Variants in DOCK3 observed in about 807,000 individuals in gnomAD.
DOCK3 encodes the protein dedicator of cytokinesis 3.
A neutral mutation model predicts 265.6 loss-of-function variants in DOCK3; 60 were observed. That is an observed-to-expected ratio of 0.23 (90% confidence interval 0.18 to 0.28). The LOEUF is 0.28. Ranked by LOEUF, DOCK3 falls within the 10% of genes least tolerant of loss-of-function variation. The pLI is 1.00. For missense variants in DOCK3, 1,981 were observed against 2,594.3 expected (o/e 0.76, Z 5.14); for synonymous variants, 881 against 938.0 (o/e 0.94, Z 1.11).
chr3:51,314,853 T>G, intron 31 of DOCK3, 127 bp from the exon 32 acceptor site: 5 of 1,166,928 alleles, frequency 4.3e-6, no homozygotes, highest in Non-Finnish European at 5.7e-6. Flanking sequence ...CAGAAAACCA[T>G]AGGGGAGAGC....
In DOCK3 at chr3:51,239,581, GT is replaced by G. The variant is rs1026869430; in HGVS notation, c.2102+1999del. On this transcript the variant is annotated intron_variant, in intron 21 of 52. Transcript: ENST00000266037. ...TTTTTTTTTTGTTTGTTTGTTTTTT[GT>G]TTTTTTTGTTTTTTTTTAGTTGGTA... Among the ~76,000 whole-genome samples the G allele has an allele frequency of 8.3e-4, 109 of 130,814 alleles. 1 individual carries two copies. Among genetic ancestry groups the G allele is most frequent in the African/African-American group, 2.9e-3 (106 of 36,322 alleles). The allele number at this position is 130,814 out of a possible 152,430, so 85.8% of individuals were successfully genotyped here.
At chr3:51,003,607 C>T (rs1020077630) in intron 5 of DOCK3, among the ~76,000 whole-genome samples, 1 of 152,130 alleles carries the variant, frequency 6.6e-6, no homozygotes, top group African/African-American at 2.4e-5. Flanking sequence ...GTGGAGAATT[C>T]GTAGGTAACA....
At chr3:51,341,720 T>TA (rs1292286262) in intron 38 of DOCK3, among the ~76,000 whole-genome samples, 1 of 152,236 alleles carries the variant, frequency 6.6e-6, no homozygotes, top group Admixed American at 6.5e-5. Flanking sequence ...AAAGAACTGA[T>TA]ACGGCTTTCT....
intron 2 of DOCK3, among the ~76,000 whole-genome samples, chr3:50,830,005 A>G (rs2045042024): frequency 6.6e-6 from 1 of 152,226 alleles, no homozygotes; most frequent in South Asian, 2.1e-4. Context: ...TAAATTTTTC[A>G]GTGCAAATAA....
chr3:51,060,311 C>T (rs1028960905), intron 5 of DOCK3, among the ~76,000 whole-genome samples: 1 of 152,034 alleles, frequency 6.6e-6, no homozygotes, highest in African/African-American at 2.4e-5. Flanking sequence ...CCTTAAAATC[C>T]AGTTTTCTAA....
At chr3:50,729,322 C>CAA (rs1271946003) in intron 1 of DOCK3, among the ~76,000 whole-genome samples, 1 of 126,948 alleles carries the variant, frequency 7.9e-6, no homozygotes, top group Non-Finnish European at 1.7e-5. Context: ...GACCTGTCTC[C>CAA]AAAAAAAAAA....
At chr3:50,979,855 G>A (rs2077625389) in intron 5 of DOCK3, among the ~76,000 whole-genome samples, 3 of 152,064 alleles carry the variant, frequency 2.0e-5, no homozygotes, top group Admixed American at 2.0e-4. Context: ...GTGTTTTGGT[G>A]GTGTCTTTAG....
chr3:51,135,765 G>T (rs1275150981), intron 9 of DOCK3, among the ~76,000 whole-genome samples: 2 of 151,882 alleles, frequency 1.3e-5, no homozygotes, highest in Non-Finnish European at 2.9e-5. Flanking sequence ...TGTTGCCTAG[G>T]CTGGGAGTGC....
intron 40 of DOCK3, among the ~76,000 whole-genome samples, chr3:51,353,244 C>T (rs1472874545): frequency 6.6e-6 from 1 of 152,218 alleles, no homozygotes; most frequent in African/African-American, 2.4e-5. Flanking sequence ...GAGAGGCCAG[C>T]CTGCTCCTCC....
intron 4 of DOCK3, among the ~76,000 whole-genome samples, chr3:50,899,977 C>A (rs1381701419): frequency 6.6e-6 from 1 of 152,022 alleles, no homozygotes; most frequent in Non-Finnish European, 1.5e-5. Context: ...TGAGGAGTAT[C>A]TTTGTGGTGG....
At chr3:51,181,172 T>G (rs1255425652) in intron 12 of DOCK3, among the ~76,000 whole-genome samples, 3 of 152,136 alleles carry the variant, frequency 2.0e-5, no homozygotes, top group Non-Finnish European at 4.4e-5. Context: ...AGTTCTAGGG[T>G]ACATGGGCAC....
Position 51,267,735 on chromosome 3 carries a change from C to T in DOCK3, c.2356-3080C>T, listed in dbSNP as rs141271302. Among the ~76,000 whole-genome samples the T allele has an allele frequency of 2.4e-3, 370 of 152,210 alleles. 1 individual carries two copies. Among genetic ancestry groups the T allele is most frequent in the Admixed American group, 9.0e-3 (137 of 15,272 alleles). On this transcript the variant is annotated intron_variant, in intron 23 of 52. Transcript: ENST00000266037. ...TGTTGACAATAGCAAAGATTTGGAA[C>T]CAACCCAAATGCCCATCAGTCATAG...
chr3:51,354,685 G>T (rs1431737290), intron 40 of DOCK3, among the ~76,000 whole-genome samples, 197 bp from the exon 41 acceptor site: 1 of 152,042 alleles, frequency 6.6e-6, no homozygotes, highest in African/African-American at 2.4e-5. Context: ...CTTCCCTTGG[G>T]GCTGCCACAC....
chr3:50,720,163 G>C (rs1343328291), intron 1 of DOCK3, among the ~76,000 whole-genome samples: 2 of 152,110 alleles, frequency 1.3e-5, no homozygotes, highest in Non-Finnish European at 2.9e-5. Context: ...TTTAGGTCCA[G>C]AGGTACATGT....
chr3:51,239,277 T>G (rs982949018), intron 21 of DOCK3, among the ~76,000 whole-genome samples: 1 of 151,904 alleles, frequency 6.6e-6, no homozygotes, highest in African/African-American at 2.4e-5. Flanking sequence ...TGGCGCAATC[T>G]TGGCTCACTG....
chr3:50,990,696 G>T (rs921904087), intron 5 of DOCK3, among the ~76,000 whole-genome samples: 1 of 152,178 alleles, frequency 6.6e-6, no homozygotes, highest in Non-Finnish European at 1.5e-5. Context: ...GCCAGTCTGA[G>T]TCCCAAAGCT....
At chr3:50,874,627 T>G (rs1331769230) in intron 3 of DOCK3, among the ~76,000 whole-genome samples, 3 of 152,214 alleles carry the variant, frequency 2.0e-5, no homozygotes, top group African/African-American at 7.2e-5. Context: ...TTTCTTTCAT[T>G]AGTGTTTTGT....
At chr3:50,793,358 C>CTTTTTT (rs568370017) in intron 2 of DOCK3, among the ~76,000 whole-genome samples, 123 of 130,622 alleles carry the variant, frequency 9.4e-4, no homozygotes, top group East Asian at 1.5e-3. Context: ...TTTTCTTTTT[C>CTTTTTT]TTTTTTTTTT....
intron 12 of DOCK3, among the ~76,000 whole-genome samples, chr3:51,193,328 T>C (rs1246789807): frequency 6.6e-6 from 1 of 152,226 alleles, no homozygotes; most frequent in Non-Finnish European, 1.5e-5. Flanking sequence ...TAGTATTTTG[T>C]TTAGGATGTT....
Sources: gnomAD v4.1 joint callset for allele counts (sites outside exome capture counted in the v4.1 genomes callset) on GRCh38, gnomAD v4.1.1 for gene constraint, MANE v1.5 for transcripts, NCBI Gene and HGNC (gene_info 2026-07-23, HGNC 2026-07-21) for gene names.